GPC5: variants seen among roughly 807,000 people sequenced by gnomAD.
GPC5 encodes the protein glypican 5, also known as glypican-5.
GPC5 carries 47 observed loss-of-function variants against 53.9 expected under a neutral mutation model. The observed-to-expected ratio is 0.87, with a 90% CI of 0.69 to 1.11. The LOEUF is 1.11. Ranked by LOEUF, GPC5 falls within the 50% of genes most tolerant of loss-of-function variation. The pLI is 0.00. For synonymous variants in GPC5, 286 were observed against 263.3 expected (o/e 1.09, Z -0.84); for missense variants, 748 against 713.1 (o/e 1.05, Z -0.56).
intron 7 of GPC5, among the ~76,000 whole-genome samples, chr13:92,174,781 T>C (rs1284850356): frequency 6.6e-6 from 1 of 152,212 alleles, no homozygotes; most frequent in Non-Finnish European, 1.5e-5. Context: ...TGTCATAGAA[T>C]TTAAAATGTT....
At chr13:91,651,401 T>C (rs150330870) in intron 2 of GPC5, among the ~76,000 whole-genome samples, 93 of 152,326 alleles carry the variant, frequency 6.1e-4, no homozygotes, top group Middle Eastern at 3.4e-3. Context: ...TTTAACTCTA[T>C]GTGCACTTTG....
chr13:92,575,141 A>G (rs772084316), intron 7 of GPC5, among the ~76,000 whole-genome samples: 5 of 152,140 alleles, frequency 3.3e-5, no homozygotes, highest in Admixed American at 1.3e-4. Flanking sequence ...TTTTATTCTT[A>G]TAATAGTGAA....
At chr13:91,822,566 G>T (rs11070005) in intron 5 of GPC5, among the ~76,000 whole-genome samples, 2,739 of 152,166 alleles carry the variant, frequency 0.018, 52 homozygotes, top group Middle Eastern at 0.041. Flanking sequence ...CAGGGGAACT[G>T]CCCTTTATAA....
At chr13:92,124,227 C>T (rs915763729) in intron 6 of GPC5, among the ~76,000 whole-genome samples, 2 of 139,682 alleles carry the variant, frequency 1.4e-5, no homozygotes, top group Non-Finnish European at 3.0e-5. Flanking sequence ...TCAGCCCTCC[C>T]ATCTTAACTC....
At chr13:92,862,607 T>A (rs1361254988) in intron 7 of GPC5, among the ~76,000 whole-genome samples, 2 of 149,160 alleles carry the variant, frequency 1.3e-5, no homozygotes, top group Non-Finnish European at 3.0e-5. Flanking sequence ...GTCAGATATA[T>A]CTAGTGGAGA....
intron 2 of GPC5, among the ~76,000 whole-genome samples, chr13:91,619,465 A>AC (rs2033793300): frequency 6.6e-6 from 1 of 152,064 alleles, no homozygotes; most frequent in African/African-American, 2.4e-5. Flanking sequence ...ATTATATTAG[A>AC]ATTTGCTTTG....
intron 7 of GPC5, among the ~76,000 whole-genome samples, chr13:92,213,083 A>G (rs1041663638): frequency 6.6e-6 from 1 of 152,224 alleles, no homozygotes; most frequent in Non-Finnish European, 1.5e-5. Context: ...CCTCTGCAAC[A>G]GCCCAGAAGA....
intron 7 of GPC5, among the ~76,000 whole-genome samples, chr13:92,721,026 G>A (rs1247399721): frequency 6.6e-6 from 1 of 152,016 alleles, no homozygotes; most frequent in Non-Finnish European, 1.5e-5. Flanking sequence ...CCAGAGTACT[G>A]TGGAGATGGA....
At chr13:91,752,496 T>C (rs1179414128) in intron 4 of GPC5, among the ~76,000 whole-genome samples, 3 of 152,224 alleles carry the variant, frequency 2.0e-5, no homozygotes, top group East Asian at 1.9e-4. Flanking sequence ...ATAATTATGG[T>C]CACCACATAT....
At chr13:92,171,618 C>A (rs2042071171) in intron 7 of GPC5, among the ~76,000 whole-genome samples, 1 of 152,160 alleles carries the variant, frequency 6.6e-6, no homozygotes, top group Non-Finnish European at 1.5e-5. Context: ...TTGACAATGT[C>A]AATCTTCAGT....
intron 2 of GPC5, among the ~76,000 whole-genome samples, chr13:91,621,916 G>T (rs1290695055): frequency 6.6e-6 from 1 of 151,810 alleles, no homozygotes; most frequent in Non-Finnish European, 1.5e-5. Context: ...GAAGCCAACA[G>T]TGCAGCCTTC....
At chr13:92,117,112 CA>C (rs1275425683) in intron 6 of GPC5, among the ~76,000 whole-genome samples, 1 of 152,104 alleles carries the variant, frequency 6.6e-6, no homozygotes, top group Admixed American at 6.6e-5. Context: ...CCTAAGGTCA[CA>C]AACTTTCTTT....
intron 7 of GPC5, among the ~76,000 whole-genome samples, chr13:92,213,643 G>A (rs921425004): frequency 3.9e-5 from 6 of 152,076 alleles, no homozygotes; most frequent in Non-Finnish European, 7.4e-5. Context: ...TTAATAATCT[G>A]TGACATTCCA....
chr13:92,290,433 C>T (rs1043974517), intron 7 of GPC5, among the ~76,000 whole-genome samples: 5 of 152,298 alleles, frequency 3.3e-5, no homozygotes, highest in African/African-American at 1.2e-4. Context: ...GCGCACCCGT[C>T]ACCCAAACAC....
At chr13:92,397,097 G>A (rs956215222) in intron 7 of GPC5, among the ~76,000 whole-genome samples, 10 of 152,230 alleles carry the variant, frequency 6.6e-5, no homozygotes, top group African/African-American at 1.9e-4. Flanking sequence ...TCTAGCAGGA[G>A]TTTCTCACTG....
At chr13:91,870,476 C>T (rs2039132498) in intron 5 of GPC5, among the ~76,000 whole-genome samples, 1 of 152,146 alleles carries the variant, frequency 6.6e-6, no homozygotes, top group Admixed American at 6.5e-5. Context: ...AGCCTTTATC[C>T]TTATGAATAT....
chr13:92,533,481 A>C (rs1460916430), intron 7 of GPC5, among the ~76,000 whole-genome samples: 1 of 152,200 alleles, frequency 6.6e-6, no homozygotes, highest in Non-Finnish European at 1.5e-5. Context: ...GAAGGAAAGA[A>C]GCTAACATAT....
chr13:91,824,257 AAGAC>A (rs1431452696), intron 5 of GPC5, among the ~76,000 whole-genome samples: 5 of 152,212 alleles, frequency 3.3e-5, no homozygotes, highest in East Asian at 1.9e-4. Flanking sequence ...GATAAAGAGA[AAGAC>A]AGAAAGATGA....
At chr13:92,805,789 A>G (rs1411378788) in intron 7 of GPC5, among the ~76,000 whole-genome samples, 1 of 151,972 alleles carries the variant, frequency 6.6e-6, no homozygotes, top group Non-Finnish European at 1.5e-5. Context: ...TAAAATATTC[A>G]GCAAATCATA....
Sources: allele counts gnomAD v4.1 joint callset (sites outside exome capture counted in the v4.1 genomes callset), GRCh38; gene constraint gnomAD v4.1.1; transcripts MANE v1.5; gene names NCBI Gene and HGNC (gene_info 2026-07-23, HGNC 2026-07-21).